GPATCH8: variants seen among roughly 807,000 people sequenced by gnomAD.
The protein encoded by GPATCH8 is G-patch domain containing 8, also known as G patch domain-containing protein 8.
A neutral mutation model predicts 118.3 loss-of-function variants in GPATCH8; 18 were observed. The ratio of observed to expected loss-of-function variants is 0.15; its 90% CI spans 0.11 to 0.23. GPATCH8 has a LOEUF of 0.23. Ranked by LOEUF, GPATCH8 falls within the 10% of genes least tolerant of loss-of-function variation. The probability of loss-of-function intolerance (pLI) is 1.00; values close to 1 mark genes in which losing one functional copy is unlikely to be tolerated. For synonymous variants in GPATCH8, 659 were observed against 684.7 expected, an observed-to-expected ratio of 0.96 and a Z score of 0.59; for missense variants, 1,631 against 1,873.8, an observed-to-expected ratio of 0.87 and a Z score of 2.39.
At position 44,397,711 on chromosome 17, in the gene GPATCH8, G is replaced by A; in HGVS notation, c.4366C>T (p.Pro1456Ser). 6.2e-7 allele frequency: 1 copy of A among 1,608,242 alleles called. No individual in the cohort carries two copies. The highest frequency in any genetic ancestry group is 2.2e-5 in the East Asian group (1 of 44,766). Reference protein sequence around the residue: ...AIHPGPFTFHPVPHAALYPTL... With the variant: ...AIHPGPFTFHSVPHAALYPTL... Reference sequence around the variant, plus strand: ...GGGTAGAGGGCAGCATGTGGGACAGGGTGAAAGGTGAAGGGCCCAGGATGG... The same window carrying A: ...GGGTAGAGGGCAGCATGTGGGACAGAGTGAAAGGTGAAGGGCCCAGGATGG... The change falls in exon 8 of 8, where the codon CCT becomes TCT. Residue 1456 changes from proline (P) to serine (S), a missense_variant. Coordinates refer to ENST00000591680, the MANE Select transcript of GPATCH8 (RefSeq NM_001002909.4).
rs549621693 is a variant in GPATCH8, at chr17:44,480,795, C to T, written c.46-5892G>A. On this transcript the variant is annotated intron_variant, in intron 1 of 7. Coordinates refer to ENST00000591680, the MANE Select transcript of GPATCH8 (RefSeq NM_001002909.4). ...CTGAGGCAGGAGAATCGCTTGAACC[C>T]GGGCGGCAGAGGTTGCAGTAAGCCG... Among the ~76,000 whole-genome samples, 6 of 152,050 alleles carry T rather than the reference C, an allele frequency of 3.9e-5. No homozygotes were observed. In the South Asian group the frequency reaches 6.2e-4, roughly 16 times the overall value.
intron 1 of GPATCH8, among the ~76,000 whole-genome samples, chr17:44,482,641 G>A (rs1259547304): frequency 6.7e-6 from 1 of 150,282 alleles, no homozygotes; most frequent in Non-Finnish European, 1.5e-5. Flanking sequence ...AACCACCATG[G>A]TACATGTATA....
At chr17:44,417,853 T>TA (rs2049744789) in intron 6 of GPATCH8, among the ~76,000 whole-genome samples, 1 of 152,204 alleles carries the variant, frequency 6.6e-6, no homozygotes, top group South Asian at 2.1e-4. Flanking sequence ...AGTCAACTGT[T>TA]ATGTTGAAAT....
rs2048806708 is a variant in GPATCH8, at chr17:44,397,130, G to A, written c.*438C>T. On this transcript the variant is annotated 3_prime_UTR_variant, in exon 8 of 8. Coordinates refer to ENST00000591680, the MANE Select transcript of GPATCH8 (RefSeq NM_001002909.4). ...CTAGAACAGCTTGGCCTTCCCTGTGGCGCTGAGAAGGCAAGACCAGATGGG... is the reference window on the plus strand; with the variant it reads ...CTAGAACAGCTTGGCCTTCCCTGTGACGCTGAGAAGGCAAGACCAGATGGG... 2.2e-6 allele frequency: 1 copy of A among 456,060 alleles called. No individual in the cohort carries two copies. Among genetic ancestry groups the A allele is most frequent in the African/African-American group, 2.0e-5 (1 of 50,090 alleles). 28.3% of individuals were successfully genotyped at this position (456,060 alleles called of 1,614,324 possible).
chr17:44,446,445 G>C (rs1448088910), intron 3 of GPATCH8, among the ~76,000 whole-genome samples: 2 of 152,122 alleles, frequency 1.3e-5, no homozygotes, highest in African/African-American at 4.8e-5. Flanking sequence ...GGCGCCTGTA[G>C]TCCCAGCTAC....
chr17:44,395,576 C>A lies in GPATCH8; in HGVS notation c.*1992G>T, dbSNP rs958803884. The A allele has an allele frequency of 1.1e-5, 5 of 454,362 alleles. No homozygotes were observed. In the Admixed American group the frequency reaches 1.2e-4, roughly 11 times the overall value. 28.1% of individuals were successfully genotyped at this position (454,362 alleles called of 1,614,324 possible). On this transcript the variant is annotated 3_prime_UTR_variant, in exon 8 of 8. Coordinates refer to ENST00000591680, the MANE Select transcript of GPATCH8 (RefSeq NM_001002909.4). Reference sequence around the variant, plus strand: ...AAAGAAAAATGAGTCCCTTCACTTACACAGATGATTTCATTTTTCCAGTGC... The same window carrying A: ...AAAGAAAAATGAGTCCCTTCACTTAAACAGATGATTTCATTTTTCCAGTGC...
chr17:44,448,573 G>A (rs1025490983), intron 3 of GPATCH8, among the ~76,000 whole-genome samples: 1 of 127,634 alleles, frequency 7.8e-6, no homozygotes, highest in Non-Finnish European at 1.6e-5. Flanking sequence ...AAGAGGAAGA[G>A]GAAGAAGAAG....
In GPATCH8 at chr17:44,396,335, G is replaced by A. The variant is rs1447147867; in HGVS notation, c.*1233C>T. The stretch of plus-strand genomic sequence containing the variant: ...TCTACCTGTTTCTCTGTGTAAAACA[G>A]CAAAAGTACATGAGGGAGACTGTTA... On this transcript the variant is annotated 3_prime_UTR_variant, in exon 8 of 8. Transcript: ENST00000591680. The A allele has an allele frequency of 2.2e-6, 1 of 454,462 alleles. No individual in the cohort carries two copies. Among genetic ancestry groups the A allele is most frequent in the Non-Finnish European group, 4.4e-6 (1 of 226,788 alleles). The allele number at this position is 454,462 out of a possible 1,614,324, so 28.2% of individuals were successfully genotyped here. A position where few individuals can be genotyped will look rare whatever the true frequency, so the allele number is the denominator to read the frequency against.
chr17:44,481,494 C>A (rs114210043), intron 1 of GPATCH8, among the ~76,000 whole-genome samples: 1,852 of 152,170 alleles, frequency 0.012, 32 homozygotes, highest in African/African-American at 0.037. Context: ...ATATATAGGA[C>A]ATTCTGGAAA....
At chr17:44,443,116 A>T (rs1361251193) in intron 3 of GPATCH8, among the ~76,000 whole-genome samples, 1 of 152,120 alleles carries the variant, frequency 6.6e-6, no homozygotes, top group Non-Finnish European at 1.5e-5. Flanking sequence ...TTAAACTGAT[A>T]AAGGCCAAGA....
At chr17:44,415,142 T>C (rs900706546) in intron 6 of GPATCH8, among the ~76,000 whole-genome samples, 2 of 152,226 alleles carry the variant, frequency 1.3e-5, no homozygotes, top group African/African-American at 4.8e-5. Context: ...CAAAAACTTT[T>C]CCACTATCTT....
chr17:44,425,005 G>A (rs2050040393), intron 5 of GPATCH8, among the ~76,000 whole-genome samples: 1 of 134,210 alleles, frequency 7.5e-6, no homozygotes, highest in African/African-American at 2.5e-5. Flanking sequence ...TCTTACATGT[G>A]AGAGGAGGTT....
At chr17:44,488,860 G>A (rs1969005864) in intron 1 of GPATCH8, among the ~76,000 whole-genome samples, 1 of 151,636 alleles carries the variant, frequency 6.6e-6, no homozygotes, top group African/African-American at 2.4e-5. Context: ...GCCGAGGCGG[G>A]TGGATCACCT....
intron 1 of GPATCH8, among the ~76,000 whole-genome samples, chr17:44,488,914 C>T (rs1969010107): frequency 6.6e-6 from 1 of 151,300 alleles, no homozygotes; most frequent in African/African-American, 2.4e-5. Flanking sequence ...TGGTGAAACC[C>T]CATCTCTACA....
intron 3 of GPATCH8, among the ~76,000 whole-genome samples, chr17:44,443,094 G>GA (rs2050759124): frequency 6.6e-6 from 1 of 151,816 alleles, no homozygotes; most frequent in Non-Finnish European, 1.5e-5. Flanking sequence ...GAAAAGAGGG[G>GA]AAAAAAGACC....
intron 6 of GPATCH8, among the ~76,000 whole-genome samples, chr17:44,406,496 T>TGGAGGGG (rs758862828): frequency 4.7e-5 from 1 of 21,070 alleles, no homozygotes; most frequent in Non-Finnish European, 8.7e-5. Flanking sequence ...ACAGCTTACA[T>TGGAGGGG]GGGGGGGGGG....
chr17:44,490,452 C>G (rs932772200), intron 1 of GPATCH8, among the ~76,000 whole-genome samples: 2 of 151,926 alleles, frequency 1.3e-5, no homozygotes, highest in African/African-American at 4.8e-5. Context: ...TTAATGACTG[C>G]TTGTAGGTAT....
chr17:44,435,411 CTTTTTTT>C (rs566253126), intron 4 of GPATCH8, among the ~76,000 whole-genome samples: 1 of 99,742 alleles, frequency 1.0e-5, no homozygotes, highest in African/African-American at 3.8e-5. Context: ...TCTTTCTTTC[CTTTTTTT>C]TTTTTTTTTT....
At chr17:44,472,326 C>T (rs776117914) in intron 2 of GPATCH8, among the ~76,000 whole-genome samples, 7 of 152,218 alleles carry the variant, frequency 4.6e-5, no homozygotes, top group Non-Finnish European at 7.3e-5. Flanking sequence ...CTCAATTAGA[C>T]TGCCTTCTGA....
Sources: allele counts gnomAD v4.1 joint callset (sites outside exome capture counted in the v4.1 genomes callset), GRCh38; gene constraint gnomAD v4.1.1; transcripts MANE v1.5; gene names NCBI Gene and HGNC (gene_info 2026-07-23, HGNC 2026-07-21).